Variants in SETD3 observed in about 807,000 individuals in gnomAD.
The protein encoded by SETD3 is actin-histidine N-methyltransferase.
In SETD3, 19 loss-of-function variants were observed where a neutral mutation model predicts 63.0. The ratio of observed to expected loss-of-function variants is 0.30; its 90% CI spans 0.21 to 0.44. The LOEUF (loss-of-function observed/expected upper bound fraction) is 0.44, where lower values mean the gene tolerates loss of function less well. Ranked by LOEUF, SETD3 falls within the 20% of genes least tolerant of loss-of-function variation. The pLI, the probability that SETD3 is intolerant of heterozygous loss-of-function variation, is 1.00. For synonymous variants in SETD3, 286 were observed against 264.1 expected (o/e 1.08, Z -0.80); for missense variants, 587 against 728.5 (o/e 0.81, Z 2.24).
intron 4 of SETD3, among the ~76,000 whole-genome samples, chr14:99,460,111 C>T (rs1200681481): frequency 6.6e-6 from 1 of 152,172 alleles, no homozygotes; most frequent in African/African-American, 2.4e-5. Context: ...TTATTTGTAC[C>T]TGTCTTGTCC....
chr14:99,452,693 G>A (rs1894525846), intron 6 of SETD3, among the ~76,000 whole-genome samples: 1 of 152,206 alleles, frequency 6.6e-6, no homozygotes, highest in Non-Finnish European at 1.5e-5. Flanking sequence ...AAGGTTGAAT[G>A]GACTATTATC....
At chr14:99,407,716 C>A (rs1274839785) in intron 8 of SETD3, among the ~76,000 whole-genome samples, 1 of 152,138 alleles carries the variant, frequency 6.6e-6, no homozygotes, top group Non-Finnish European at 1.5e-5. Flanking sequence ...TCAGGGAAGC[C>A]CCTCCTTACC....
chr14:99,462,587 G>A (rs10148889), intron 3 of SETD3, among the ~76,000 whole-genome samples: 63,994 of 152,052 alleles, frequency 0.42, 15,371 homozygotes, highest in Non-Finnish European at 0.55. Context: ...CAGTATCTAC[G>A]CAGAAGAGAA....
rs143432758 is a variant in SETD3, at chr14:99,470,381, C to T, written c.-8-4568G>A. Among the ~76,000 whole-genome samples, 172 of 152,290 alleles carry T rather than the reference C, an allele frequency of 1.1e-3. 1 individual carries two copies. The highest frequency in any genetic ancestry group is 1.9e-3 in the Non-Finnish European group (126 of 68,024). On this transcript the variant is annotated intron_variant, in intron 1 of 12. Transcript: ENST00000331768. ...ACCTCTTTGGGCTGTTTCTCTCCCA[C>T]GGGGATACAGGCTATAAGGTAGAAA... is the stretch of plus-strand genomic sequence containing the variant.
intron 1 of SETD3, among the ~76,000 whole-genome samples, chr14:99,470,577 G>A (rs1463220003): frequency 6.6e-6 from 1 of 152,162 alleles, no homozygotes; most frequent in Non-Finnish European, 1.5e-5. Flanking sequence ...GGCTCTTCCA[G>A]TAAGCCTCCC....
At chr14:99,466,813 G>C (rs1281131288) in intron 1 of SETD3, among the ~76,000 whole-genome samples, 1 of 152,116 alleles carries the variant, frequency 6.6e-6, no homozygotes, top group Non-Finnish European at 1.5e-5. Context: ...TCATGACCAA[G>C]GAAGATGGAA....
At chr14:99,476,881 T>C (rs924827848) in intron 1 of SETD3, among the ~76,000 whole-genome samples, 2 of 152,232 alleles carry the variant, frequency 1.3e-5, no homozygotes, top group African/African-American at 4.8e-5. Flanking sequence ...CATATATTTT[T>C]GTCAATTAAA....
At chr14:99,449,219 G>A (rs971815174) in intron 6 of SETD3, among the ~76,000 whole-genome samples, 1 of 152,150 alleles carries the variant, frequency 6.6e-6, no homozygotes, top group East Asian at 1.9e-4. Flanking sequence ...AAACACTACA[G>A]TAGTAACTAT....
chr14:99,470,009 G>A (rs1013030970), intron 1 of SETD3, among the ~76,000 whole-genome samples: 3 of 152,132 alleles, frequency 2.0e-5, no homozygotes, highest in African/African-American at 2.4e-5. Flanking sequence ...CACAGCTCAC[G>A]GGATAATGCG....
At chr14:99,481,438 G>A (rs950809718), upstream of SETD3, 16 of 398,714 alleles carry the variant, frequency 4.0e-5, no homozygotes, top group Middle Eastern at 3.1e-3. Flanking sequence ...GGCCGCAGTC[G>A]GCAAGGAGAG....
intron 1 of SETD3, among the ~76,000 whole-genome samples, chr14:99,479,044 C>T (rs1296856300): frequency 6.6e-6 from 1 of 152,220 alleles, no homozygotes; most frequent in Non-Finnish European, 1.5e-5. Context: ...ACCGTACATA[C>T]AGACATAAGA....
chr14:99,406,397 C>T (rs1220889680), intron 9 of SETD3, 119 bp downstream of exon 9: 4 of 862,198 alleles, frequency 4.6e-6, no homozygotes, highest in East Asian at 5.2e-5. Context: ...AAAAACAATC[C>T]TCAATGTGAA....
rs993414831 is a variant in SETD3 at position 99,462,777 on chromosome 14, A to G, written c.196+709T>C. ...ATGTGTATGGAAGAGCAATAAAACC[A>G]CTACTTAAAGAGAGCAAATAAAAAA... On this transcript the variant is annotated intron_variant, in intron 3 of 12. Coordinates refer to ENST00000331768, the MANE Select transcript of SETD3 (RefSeq NM_032233.3). Among the ~76,000 whole-genome samples the G allele has an allele frequency of 9.8e-4, 149 of 152,304 alleles. 2 individuals are homozygous for G. The highest frequency in any genetic ancestry group is 1.2e-3 in the Non-Finnish European group (82 of 68,020).
chr14:99,469,776 G>A (rs913275394), intron 1 of SETD3, among the ~76,000 whole-genome samples: 1 of 152,094 alleles, frequency 6.6e-6, no homozygotes, highest in African/African-American at 2.4e-5. Context: ...ACCGCATAGT[G>A]CACGAATTCA....
chr14:99,478,390 C>G (rs1896082444), intron 1 of SETD3, among the ~76,000 whole-genome samples: 1 of 152,176 alleles, frequency 6.6e-6, no homozygotes, highest in South Asian at 2.1e-4. Context: ...AGCCAGGGAA[C>G]AGGCAAACCA....
chr14:99,473,279 T>C (rs560033560), intron 1 of SETD3, among the ~76,000 whole-genome samples: 2 of 152,312 alleles, frequency 1.3e-5, no homozygotes, highest in South Asian at 4.1e-4. Context: ...TTAGTGACCT[T>C]GGCTAATGTG....
At chr14:99,478,738 C>G (rs534037233) in intron 1 of SETD3, 1 of 152,300 alleles carries the variant, frequency 6.6e-6, no homozygotes, top group African/African-American at 2.4e-5. Flanking sequence ...GATGGTCATA[C>G]CTTCCCCGGC....
intron 6 of SETD3, among the ~76,000 whole-genome samples, chr14:99,435,597 G>A (rs990664381): frequency 1.3e-5 from 2 of 152,082 alleles, no homozygotes; most frequent in African/African-American, 4.8e-5. Flanking sequence ...CCCCTCTTCA[G>A]CACCCCTAAA....
At position 99,459,025 on chromosome 14, in the gene SETD3, C is replaced by A. The variant is rs948642371; in HGVS notation, c.418+88G>T. On this transcript the variant is annotated intron_variant, in intron 5 of 12. Transcript: ENST00000331768. ...GGAATATTTCGCCAGTCGAGAAAAA[C>A]CAAGTATTATCCTTAGTGCCATAAA... 7.6e-6 allele frequency: 7 copies of A among 918,466 alleles called. No homozygotes were observed. In the African/African-American group the frequency reaches 1.2e-4, roughly 16 times the overall value. 56.9% of individuals were successfully genotyped at this position (918,466 alleles called of 1,614,324 possible). A position where few individuals can be genotyped will look rare whatever the true frequency, so the allele number is the denominator to read the frequency against.
Sources: gnomAD v4.1 joint callset for allele counts (sites outside exome capture counted in the v4.1 genomes callset) on GRCh38, gnomAD v4.1.1 for gene constraint, MANE v1.5 for transcripts, NCBI Gene and HGNC (gene_info 2026-07-23, HGNC 2026-07-21) for gene names.